The following TDRD5 variants were observed in gnomAD, a reference collection of about 807,000 sequenced individuals.
The protein encoded by TDRD5 is tudor domain containing 5.
Under a neutral mutation model 120.6 loss-of-function variants are expected in TDRD5, and 41 were observed. That is an observed-to-expected ratio of 0.34 (90% CI 0.26 to 0.44). The LOEUF is 0.44. Ranked by LOEUF, TDRD5 falls within the 20% of genes least tolerant of loss-of-function variation. The pLI is 1.00. For missense variants in TDRD5, 1,006 were observed against 1,221.2 expected (o/e 0.82, Z 2.63); for synonymous variants, 430 against 433.7 (o/e 0.99, Z 0.11).
At position 179,594,201 on chromosome 1, in the gene TDRD5, A is replaced by T. The variant is rs558702818; in HGVS notation, c.640+334A>T. On this transcript the variant is annotated intron_variant, in intron 3 of 17. Transcript: ENST00000444136. Reference sequence around the variant, plus strand: ...GAACACTGTAAATGAACTTTACATGAATGTGTTCATATAAATAAGCTATAT... The same window carrying T: ...GAACACTGTAAATGAACTTTACATGTATGTGTTCATATAAATAAGCTATAT... Among the ~76,000 whole-genome samples the T allele has an allele frequency of 3.3e-5, 5 of 152,336 alleles. No individual in the cohort carries two copies. In the South Asian group the frequency reaches 8.3e-4, roughly 25 times the overall value.
chr1:179,628,752 CTG>C (rs1194493655), intron 6 of TDRD5, among the ~76,000 whole-genome samples: 1 of 152,138 alleles, frequency 6.6e-6, no homozygotes, highest in Non-Finnish European at 1.5e-5. Flanking sequence ...CAAAACTCAA[CTG>C]TGTTTTGTGT....
chr1:179,651,017 T>C lies in TDRD5; in HGVS notation c.1951T>C (p.Leu651=). ...SNEDVYFHHV[L]RTEGHAIVCR... is the part of the protein sequence containing the mutation. ...CGAAGATGTCTATTTCCATCATGTC[T>C]TGAGAACAGAGGGCCATGCTATTGT... is the stretch of plus-strand genomic sequence containing the variant. Residue 651 remains leucine (L), a synonymous_variant, in exon 12 of 18, where the codon TTG becomes CTG. Transcript: ENST00000444136. 1 of 1,614,188 alleles carries C rather than the reference T, an allele frequency of 6.2e-7. No individual in the cohort carries two copies. The highest frequency in any genetic ancestry group is 8.5e-7 in the Non-Finnish European group (1 of 1,180,024).
chr1:179,656,242 A>T (rs1451847753), intron 14 of TDRD5, among the ~76,000 whole-genome samples: 2 of 152,102 alleles, frequency 1.3e-5, no homozygotes, highest in East Asian at 3.9e-4. Flanking sequence ...TCTTGGTGAA[A>T]TTTCTGTTGA....
intron 17 of TDRD5, among the ~76,000 whole-genome samples, chr1:179,674,602 G>A (rs1035743472): frequency 6.6e-6 from 1 of 152,090 alleles, no homozygotes; most frequent in African/African-American, 2.4e-5. Flanking sequence ...TTGGAATACT[G>A]TCAATAGGAT....
intron 14 of TDRD5, among the ~76,000 whole-genome samples, chr1:179,657,635 A>G (rs1301957447): frequency 6.6e-6 from 1 of 152,010 alleles, no homozygotes; most frequent in Non-Finnish European, 1.5e-5. Context: ...ATCTGAATAT[A>G]TTGCCCGCTT....
chr1:179,673,757 G>A (rs1325330723), intron 17 of TDRD5, among the ~76,000 whole-genome samples: 3 of 138,408 alleles, frequency 2.2e-5, no homozygotes, highest in Non-Finnish European at 3.2e-5. Flanking sequence ...TGGGAGGCAG[G>A]TTTGCCCTAA....
At chr1:179,597,230 C>A (rs1206680907) in intron 4 of TDRD5, among the ~76,000 whole-genome samples, 1 of 151,924 alleles carries the variant, frequency 6.6e-6, no homozygotes, top group Non-Finnish European at 1.5e-5. Flanking sequence ...TTTCTCCTGG[C>A]CGATGTTTGC....
chr1:179,645,861 ACTT>A (rs988944210), intron 11 of TDRD5, among the ~76,000 whole-genome samples: 29 of 152,116 alleles, frequency 1.9e-4, no homozygotes, highest in African/African-American at 6.5e-4. Flanking sequence ...GCAAAAAAAA[ACTT>A]CTTTTGTCTG....
intron 4 of TDRD5, among the ~76,000 whole-genome samples, chr1:179,600,388 A>G (rs990224664): frequency 6.6e-6 from 1 of 152,200 alleles, no homozygotes; most frequent in African/African-American, 2.4e-5. Context: ...TATAGTATTC[A>G]GTACAGTAAC....
intron 9 of TDRD5, 30 bp downstream of exon 9, chr1:179,635,917 T>C (rs773171150): frequency 6.3e-7 from 1 of 1,597,638 alleles, no homozygotes; most frequent in Non-Finnish European, 8.6e-7. Flanking sequence ...AATGTGTTTT[T>C]CACATGTCTC....
At chr1:179,656,878 C>G (rs1679035011) in intron 14 of TDRD5, among the ~76,000 whole-genome samples, 1 of 152,066 alleles carries the variant, frequency 6.6e-6, no homozygotes, top group Admixed American at 6.5e-5. Flanking sequence ...ATGGCAAAAC[C>G]CTGTCTCTAC....
chr1:179,612,769 T>C (rs762349047), intron 4 of TDRD5, among the ~76,000 whole-genome samples: 1 of 151,892 alleles, frequency 6.6e-6, no homozygotes, highest in Non-Finnish European at 1.5e-5. Flanking sequence ...ACCCCATGTC[T>C]ACTAAAAATA....
chr1:179,660,183 T>C (rs1264685901), intron 14 of TDRD5, among the ~76,000 whole-genome samples: 3 of 151,298 alleles, frequency 2.0e-5, no homozygotes, highest in African/African-American at 7.3e-5. Context: ...ATTTGAACAT[T>C]TTTTAGTATT....
At chr1:179,615,103 A>G (rs561363287) in intron 4 of TDRD5, among the ~76,000 whole-genome samples, 3 of 152,164 alleles carry the variant, frequency 2.0e-5, no homozygotes, top group South Asian at 2.1e-4. Flanking sequence ...CACTTCCCAT[A>G]TAAGTAAGAT....
intron 17 of TDRD5, among the ~76,000 whole-genome samples, chr1:179,673,028 G>A (rs1259662435): frequency 1.3e-5 from 2 of 152,114 alleles, no homozygotes; most frequent in South Asian, 2.1e-4. Context: ...GTCAGGTAAT[G>A]TGATGTCTCC....
chr1:179,689,274 C>G (rs1165928265), intron 17 of TDRD5, among the ~76,000 whole-genome samples: 3 of 152,218 alleles, frequency 2.0e-5, no homozygotes, highest in Non-Finnish European at 2.9e-5. Context: ...TTCTAACAGT[C>G]AGGACCCTCA....
chr1:179,609,508 G>C (rs761294556), intron 4 of TDRD5, among the ~76,000 whole-genome samples: 1 of 152,078 alleles, frequency 6.6e-6, no homozygotes, highest in Admixed American at 6.6e-5. Context: ...TTTTGGATTT[G>C]TGATGTTCAA....
At chr1:179,592,354 A>C in intron 1 of TDRD5, 1 of 418,484 alleles carries the variant, frequency 2.4e-6, no homozygotes, top group Non-Finnish European at 4.4e-6. Context: ...CCCGACAGGA[A>C]CCCCAGTTAA....
intron 11 of TDRD5, among the ~76,000 whole-genome samples, chr1:179,641,484 T>C (rs1678045653): frequency 6.6e-6 from 1 of 151,294 alleles, no homozygotes; most frequent in South Asian, 2.1e-4. Flanking sequence ...GAGCTGAGAT[T>C]GCGCCGCTGC....
Sources: allele counts gnomAD v4.1 joint callset (sites outside exome capture counted in the v4.1 genomes callset), GRCh38; gene constraint gnomAD v4.1.1; transcripts MANE v1.5; gene names NCBI Gene and HGNC (gene_info 2026-07-23, HGNC 2026-07-21).